Variants in ATP8A2 observed in about 807,000 individuals in gnomAD.
ATP8A2 encodes ATPase phospholipid transporting 8A2.
In ATP8A2, 100 loss-of-function variants were observed where a neutral mutation model predicts 165.6. The ratio of observed to expected loss-of-function variants is 0.60; its 90% confidence interval spans 0.51 to 0.71. The LOEUF is 0.71. ATP8A2 is among the 30% of genes least tolerant of loss of function. ATP8A2 has a pLI of 0.00. For synonymous variants in ATP8A2, 543 were observed against 548.8 expected, an observed-to-expected ratio of 0.99 and a Z score of 0.15; for missense variants, 1,227 against 1,479.5, an observed-to-expected ratio of 0.83 and a Z score of 2.80.
intron 30 of ATP8A2, among the ~76,000 whole-genome samples, chr13:25,856,702 C>T (rs1952175921): frequency 6.6e-6 from 1 of 152,158 alleles, no homozygotes; most frequent in Admixed American, 6.5e-5. Flanking sequence ...CAAAAATTTT[C>T]ATCACCCCAA....
At chr13:25,619,832 C>T (rs191117565) in intron 24 of ATP8A2, among the ~76,000 whole-genome samples, 52 of 152,264 alleles carry the variant, frequency 3.4e-4, no homozygotes, top group Admixed American at 6.5e-4. Flanking sequence ...ATAGCCTTTC[C>T]TATTTTAATT....
chr13:25,928,524 A>G (rs1335190306), intron 33 of ATP8A2, among the ~76,000 whole-genome samples: 2 of 152,208 alleles, frequency 1.3e-5, no homozygotes, highest in African/African-American at 2.4e-5. Flanking sequence ...ACTCCACGCA[A>G]ATTCGAAAGC....
chr13:25,602,186 A>G (rs902720090), intron 24 of ATP8A2, among the ~76,000 whole-genome samples: 1 of 152,204 alleles, frequency 6.6e-6, no homozygotes, highest in Non-Finnish European at 1.5e-5. Context: ...TGTCCAATTA[A>G]TAATTCTTTT....
At chr13:25,379,722 G>A (rs1006019035) in intron 1 of ATP8A2, among the ~76,000 whole-genome samples, 1 of 152,130 alleles carries the variant, frequency 6.6e-6, no homozygotes, top group Admixed American at 6.5e-5. Flanking sequence ...TCGGCGGAGC[G>A]GGCCCTGCTA....
rs752312093 is a variant in ATP8A2 at position 25,860,223 on chromosome 13, C to T, written c.2985C>T (p.Thr995=). 29 of 1,611,334 alleles carry T rather than the reference C, an allele frequency of 1.8e-5. No homozygotes were observed. The highest frequency in any genetic ancestry group is 2.1e-5 in the Non-Finnish European group (25 of 1,178,150). The part of the protein sequence containing the change: ...HDTVLTSGHA[T]DYLFVGNIVY... ...CTGTGTTGACAAGTGGTCATGCTAC[C>T]GACTATTTATTTGTTGGAAATATTG... The change falls in exon 31 of 37, where the codon ACC becomes ACT. Residue 995 remains threonine (T), a synonymous_variant. Coordinates refer to ENST00000381655, the MANE Select transcript of ATP8A2 (RefSeq NM_016529.6).
chr13:25,403,447 G>GA (rs1235505587), intron 1 of ATP8A2, among the ~76,000 whole-genome samples: 32 of 152,310 alleles, frequency 2.1e-4, no homozygotes, highest in Admixed American at 1.3e-3. Flanking sequence ...ATCAGGCTTG[G>GA]AAAGTACAGC....
Position 26,024,528 on chromosome 13 carries a change from A to G in ATP8A2, c.*4543A>G, listed in dbSNP as rs1566364368. The G allele has an allele frequency of 1.3e-5, 2 of 152,410 alleles. No individual in the cohort carries two copies. Among genetic ancestry groups the G allele is most frequent in the South Asian group, 2.1e-4 (1 of 4,826 alleles). 9.4% of individuals were successfully genotyped at this position (152,410 alleles called of 1,614,324 possible). A position where few individuals can be genotyped will look rare whatever the true frequency, so the allele number is the denominator to read the frequency against. On this transcript the variant is annotated 3_prime_UTR_variant, in exon 37 of 37. Coordinates refer to ENST00000381655, the MANE Select transcript of ATP8A2 (RefSeq NM_016529.6). ...AAATCTGAATGGGCAGAAGCCACAAACAAATGGGAGCAGAAAAGAAGGGCG... is the reference window on the plus strand; with the variant it reads ...AAATCTGAATGGGCAGAAGCCACAAGCAAATGGGAGCAGAAAAGAAGGGCG...
At chr13:25,769,367 G>A (rs1410036135) in intron 26 of ATP8A2, 138 bp downstream of exon 26, 7 of 797,538 alleles carry the variant, frequency 8.8e-6, no homozygotes, top group Non-Finnish European at 1.4e-5. Context: ...AAACCCCGGG[G>A]ATATTTGGAA....
At chr13:25,866,704 T>G (rs1207550042) in intron 33 of ATP8A2, among the ~76,000 whole-genome samples, 1 of 152,084 alleles carries the variant, frequency 6.6e-6, no homozygotes, top group Non-Finnish European at 1.5e-5. Flanking sequence ...ACTCTGGGTG[T>G]GGAGCCCCAG....
chr13:25,567,432 C>G, intron 16 of ATP8A2: 1 of 456,346 alleles, frequency 2.2e-6, no homozygotes, highest in South Asian at 1.6e-5. Context: ...TTCCTTTCCT[C>G]CTCATCGTCT....
chr13:25,407,138 T>G (rs1324195786), intron 1 of ATP8A2, among the ~76,000 whole-genome samples: 2 of 152,084 alleles, frequency 1.3e-5, no homozygotes, highest in Non-Finnish European at 2.9e-5. Flanking sequence ...CCACCCAAGG[T>G]TTCATGAAAG....
rs563399395 is a variant in ATP8A2 at position 25,754,313 on chromosome 13, G to C, written c.2385-14733G>C. ...ACAGAACAGGCATGCCACTATGCCG[G>C]CTGCCCAGACTCAGCATTTGTCGTT... On this transcript the variant is annotated intron_variant, in intron 25 of 36. Coordinates refer to ENST00000381655, the MANE Select transcript of ATP8A2 (RefSeq NM_016529.6). 2.6e-4 allele frequency among the ~76,000 whole-genome samples: 40 copies of C among 152,312 alleles called. 1 individual carries two copies. The highest frequency in any genetic ancestry group is 2.4e-3 in the Admixed American group (37 of 15,288).
chr13:25,396,169 G>T (rs1328041116), intron 1 of ATP8A2, among the ~76,000 whole-genome samples: 1 of 152,132 alleles, frequency 6.6e-6, no homozygotes, highest in Non-Finnish European at 1.5e-5. Context: ...GACTGAGTGG[G>T]GAAACCCAGC....
At chr13:25,802,177 T>C (rs1950635515) in intron 27 of ATP8A2, among the ~76,000 whole-genome samples, 2 of 152,300 alleles carry the variant, frequency 1.3e-5, no homozygotes, top group African/African-American at 4.8e-5. Context: ...GTTCCTATTA[T>C]TGTTACAAAT....
intron 1 of ATP8A2, among the ~76,000 whole-genome samples, chr13:25,405,033 G>T (rs1400176906): frequency 6.6e-6 from 1 of 152,178 alleles, no homozygotes; most frequent in Non-Finnish European, 1.5e-5. Context: ...GGAAGCACAG[G>T]GATGGCCGAA....
chr13:25,926,280 C>T (rs1566275116), intron 33 of ATP8A2, among the ~76,000 whole-genome samples: 2 of 152,106 alleles, frequency 1.3e-5, no homozygotes, highest in African/African-American at 4.8e-5. Flanking sequence ...CTTGCCTATA[C>T]CTAGAGCAGG....
chr13:25,461,151 C>A (rs1340430816), intron 1 of ATP8A2, among the ~76,000 whole-genome samples: 1 of 152,218 alleles, frequency 6.6e-6, no homozygotes, highest in African/African-American at 2.4e-5. Flanking sequence ...CCTGACCCAT[C>A]AGTGTCGCTT....
intron 27 of ATP8A2, among the ~76,000 whole-genome samples, chr13:25,819,623 A>G (rs1951116789): frequency 6.7e-6 from 1 of 150,170 alleles, no homozygotes; most frequent in Non-Finnish European, 1.5e-5. Flanking sequence ...ATTTGCTGCA[A>G]TCACCCCCTA....
intron 2 of ATP8A2, among the ~76,000 whole-genome samples, chr13:25,495,377 G>C (rs544823385): frequency 2.0e-5 from 3 of 152,244 alleles, no homozygotes; most frequent in African/African-American, 4.8e-5. Context: ...GTGTGGGCGA[G>C]AGCTGGAAAG....
Sources: gnomAD v4.1 joint callset for allele counts (sites outside exome capture counted in the v4.1 genomes callset) on GRCh38, gnomAD v4.1.1 for gene constraint, MANE v1.5 for transcripts, NCBI Gene and HGNC (gene_info 2026-07-23, HGNC 2026-07-21) for gene names.